Variants in RTEL1 observed in about 807,000 individuals in gnomAD.
The protein encoded by RTEL1 is regulator of telomere length.
Under a neutral mutation model 162.2 loss-of-function variants are expected in RTEL1, and 86 were observed. The ratio of observed to expected loss-of-function variants is 0.53; its 90% CI spans 0.45 to 0.63. The LOEUF is 0.63. RTEL1 is among the 30% of genes least tolerant of loss of function. The pLI, the probability that RTEL1 is intolerant of heterozygous loss-of-function variation, is 0.00. For missense variants in RTEL1, 1,941 were observed against 1,750.2 expected, an observed-to-expected ratio of 1.11 and a Z score of -1.95; for synonymous variants, 958 against 717.9, an observed-to-expected ratio of 1.33 and a Z score of -5.35.
At chr20:63,693,428 C>A (rs962746848) in intron 30 of RTEL1, 145 bp downstream of exon 30, 2 of 924,434 alleles carry the variant, frequency 2.2e-6, no homozygotes, top group Non-Finnish European at 3.2e-6. Flanking sequence ...GGGCCTCCAC[C>A]TCCACCACCA....
chr20:63,688,298 C>T lies in RTEL1; in HGVS notation c.1637-3C>T. The T allele has an allele frequency of 1.2e-6, 2 of 1,612,046 alleles. No individual in the cohort carries two copies. Among genetic ancestry groups the T allele is most frequent in the Non-Finnish European group, 1.7e-6 (2 of 1,179,890 alleles). On this transcript the variant is annotated splice_polypyrimidine_tract_variant and splice_region_variant and intron_variant, in intron 19 of 34. Transcript: ENST00000360203. Reference sequence around the variant, plus strand: ...GCCTTGACCCCGGCCCCTGCACTTCCAGGCAACATCGCCCGCGTGGTGCCC... The same window carrying T: ...GCCTTGACCCCGGCCCCTGCACTTCTAGGCAACATCGCCCGCGTGGTGCCC...
intron 12 of RTEL1, among the ~76,000 whole-genome samples, chr20:63,679,634 T>C (rs1390054153): frequency 6.6e-6 from 1 of 152,174 alleles, no homozygotes; most frequent in Non-Finnish European, 1.5e-5. Flanking sequence ...CTGAATTTGT[T>C]TCCGAGGGAA....
At chr20:63,685,391 GC>G (rs1186932281) in intron 14 of RTEL1, 131 bp from the exon 15 acceptor site, 1 of 890,924 alleles carries the variant, frequency 1.1e-6, no homozygotes, top group Non-Finnish European at 1.7e-6. Flanking sequence ...TTGGCCTGGG[GC>G]TGCATGATGG....
In RTEL1 at chr20:63,694,965, C is replaced by A. The variant is rs758775121; in HGVS notation, c.3334C>A (p.Leu1112Met). ...CACTGCAAAGCCAGAGGACTTCCCC[C>A]TGCTGCACAGCAAGTGGCCCTGGCG... ...LTTAKPEDFP[L>M]LHRFSMFVRP... The change falls in exon 32 of 35, where the codon CTG becomes ATG. Residue 1112 changes from leucine to methionine, a missense_variant. Transcript: ENST00000360203. 1 of 1,612,438 alleles carries A rather than the reference C, an allele frequency of 6.2e-7. No individual in the cohort carries two copies. Among genetic ancestry groups the A allele is most frequent in the African/African-American group, 1.3e-5 (1 of 75,054 alleles).
In RTEL1 at chr20:63,694,796, G is replaced by C; in HGVS notation, c.3165G>C (p.Gln1055His). 1 of 1,612,242 alleles carries C rather than the reference G, an allele frequency of 6.2e-7. No homozygotes were observed. The highest frequency in any genetic ancestry group is 8.5e-7 in the Non-Finnish European group (1 of 1,179,684). The change falls in exon 32 of 35, where the codon CAG (glutamine) becomes CAC (histidine). Residue 1055 changes from glutamine (Q) to histidine (H), a missense_variant. Transcript: ENST00000360203. ...WGSGVPRAGK[Q>H]GQHAVSAYLA... Reference sequence around the variant, plus strand: ...CTGGAGTGCCCAGAGCAGGGAAGCAGGGCCAGCACGCCGTGAGCGCCTACC... The same window carrying C: ...CTGGAGTGCCCAGAGCAGGGAAGCACGGCCAGCACGCCGTGAGCGCCTACC...
Position 63,662,964 on chromosome 20 carries a change from C to G in RTEL1, c.538+75C>G, listed in dbSNP as rs570218725. On this transcript the variant is annotated intron_variant, in intron 6 of 34. Coordinates refer to ENST00000360203, the MANE Select transcript of RTEL1 (RefSeq NM_001283009.2). ...CTCAGGGTGGAGCTCAGTGGTGTCACAGCCTGGTTGTGCTTGCCCGGTGGG... is the reference window on the plus strand; with the variant it reads ...CTCAGGGTGGAGCTCAGTGGTGTCAGAGCCTGGTTGTGCTTGCCCGGTGGG... 1.8e-4 allele frequency: 262 copies of G among 1,457,198 alleles called. 1 individual carries two copies. The Middle Eastern group carries it at 4.5e-3, about 25-fold the overall frequency. The allele number at this position is 1,457,198 out of a possible 1,614,324, so 90.3% of individuals were successfully genotyped here. A position where few individuals can be genotyped will look rare whatever the true frequency, so the allele number is the denominator to read the frequency against.
chr20:63,689,936 C>T (rs2090688779), intron 24 of RTEL1, 71 bp downstream of exon 24: 1 of 1,558,752 alleles, frequency 6.4e-7, no homozygotes, highest in Non-Finnish European at 8.7e-7. Context: ...CTGGACTCTC[C>T]TTCCCCACAT....
intron 14 of RTEL1, chr20:63,681,178 G>A (rs75123278): frequency 0.077 from 76,041 of 985,326 alleles, 3,152 homozygotes; most frequent in Non-Finnish European, 0.084. Flanking sequence ...TTGGGGGTGC[G>A]ACCCTGGCCC....
intron 27 of RTEL1, 74 bp downstream of exon 27, chr20:63,691,021 C>T (rs899468074): frequency 5.6e-6 from 8 of 1,420,606 alleles, no homozygotes; most frequent in Non-Finnish European, 7.5e-6. Flanking sequence ...CCCATCTGGC[C>T]TCAGGCACCT....
intron 6 of RTEL1, chr20:63,664,992 G>A (rs2090097564): frequency 6.5e-6 from 1 of 152,792 alleles, no homozygotes; most frequent in Non-Finnish European, 1.5e-5. Context: ...CTGTGCGGCA[G>A]TGCCTGCTGA....
intron 30 of RTEL1, 128 bp downstream of exon 30, chr20:63,693,411 G>C (rs1375157522): frequency 1.1e-5 from 12 of 1,113,024 alleles, no homozygotes; most frequent in South Asian, 2.9e-5. Context: ...CCCTATGGGA[G>C]TGATGGGGGC....
rs930777893 is a variant in RTEL1 at position 63,684,768 on chromosome 20, C to T, written c.1192-755C>T. 8.6e-5 allele frequency among the ~76,000 whole-genome samples: 13 copies of T among 151,980 alleles called. No individual in the cohort carries two copies. The East Asian group carries it at 1.9e-3, about 23-fold the overall frequency. On this transcript the variant is annotated intron_variant, in intron 14 of 34. Coordinates refer to ENST00000360203, the MANE Select transcript of RTEL1 (RefSeq NM_001283009.2). ...GATTACGGGTGTGAGCCACCACGCCCGGCCTCTTGTTCTTTTGAAACCTGC... is the reference window on the plus strand; with the variant it reads ...GATTACGGGTGTGAGCCACCACGCCTGGCCTCTTGTTCTTTTGAAACCTGC...
intron 7 of RTEL1, among the ~76,000 whole-genome samples, chr20:63,666,405 A>G (rs2090128192): frequency 1.3e-5 from 2 of 152,214 alleles, no homozygotes; most frequent in African/African-American, 2.4e-5. Flanking sequence ...CGTTGTGGGT[A>G]TAGCTTCCCA....
chr20:63,666,403 G>A (rs1199471914), intron 7 of RTEL1, among the ~76,000 whole-genome samples: 1 of 152,264 alleles, frequency 6.6e-6, no homozygotes, highest in Non-Finnish European at 1.5e-5. Context: ...AGCGTTGTGG[G>A]TATAGCTTCC....
chr20:63,695,693 G>A, intron 34 of RTEL1, 43 bp downstream of exon 34: 18 of 1,609,320 alleles, frequency 1.1e-5, no homozygotes, highest in Non-Finnish European at 1.4e-5. Context: ...TGTAGCCCCA[G>A]GTGATGGGCT....
chr20:63,695,137 C>T lies in RTEL1; in HGVS notation c.3415C>T (p.Pro1139Ser), dbSNP rs1263144885. ...GACGTGCACAGACCTGACCGGCCGG[C>T]CCTACCCGGGCATGGAGCCACCGGG... ...SQTCTDLTGR[P>S]YPGMEPPGPQ... is the part of the protein sequence containing the mutation. Residue 1139 changes from proline (P) to serine (S), a missense_variant, in exon 33 of 35, where the codon CCC becomes TCC. Physicochemically the swap from Pro to Ser is moderately conservative, Grantham distance 74. Transcript: ENST00000360203. 1 of 1,612,396 alleles carries T rather than the reference C, an allele frequency of 6.2e-7. No individual in the cohort carries two copies.
intron 9 of RTEL1, among the ~76,000 whole-genome samples, chr20:63,673,120 G>A (rs765125042): frequency 1.1e-4 from 17 of 151,768 alleles, no homozygotes; most frequent in East Asian, 3.9e-4. Context: ...TTGACTGGGC[G>A]CGCTAGCTCA....
intron 10 of RTEL1, 107 bp from the exon 11 acceptor site, chr20:63,678,038 T>C (rs1389701930): frequency 7.7e-7 from 1 of 1,303,626 alleles, no homozygotes; most frequent in Non-Finnish European, 1.1e-6. Flanking sequence ...GCCTCTTCCT[T>C]TCCATGTTGG....
rs557776495 is a variant in RTEL1 at position 63,673,364 on chromosome 20, A to T, written c.766-576A>T. Among the ~76,000 whole-genome samples, 12 of 152,286 alleles carry T rather than the reference A, an allele frequency of 7.9e-5. 1 individual carries two copies. In the South Asian group the frequency reaches 1.5e-3, roughly 18 times the overall value. On this transcript the variant is annotated intron_variant, in intron 9 of 34. Coordinates refer to ENST00000360203, the MANE Select transcript of RTEL1 (RefSeq NM_001283009.2). ...AGCCAAGATCACACCACTGTACTCC[A>T]GCCTGGTGACAGAGCAAGACTCCGT... is the stretch of plus-strand genomic sequence containing the variant.
Sources: gnomAD v4.1 joint callset for allele counts (sites outside exome capture counted in the v4.1 genomes callset) on GRCh38, gnomAD v4.1.1 for gene constraint, MANE v1.5 for transcripts, NCBI Gene and HGNC (gene_info 2026-07-23, HGNC 2026-07-21) for gene names.